The following GABRR3 variants were observed in gnomAD, a reference collection of about 807,000 sequenced individuals.
GABRR3 encodes the protein gamma-aminobutyric acid receptor subunit rho-3.
GABRR3 carries 29 observed loss-of-function variants against 43.2 expected under a neutral mutation model. The ratio of observed to expected loss-of-function variants is 0.67; its 90% CI spans 0.50 to 0.92. GABRR3 has a LOEUF of 0.92. Ranked by LOEUF, GABRR3 falls within the 40% of genes least tolerant of loss-of-function variation. GABRR3 has a pLI of 0.00. For missense variants in GABRR3, 576 were observed against 572.3 expected (o/e 1.01, Z -0.07); for synonymous variants, 206 against 195.9 (o/e 1.05, Z -0.43).
chr3:98,012,274 A>T, intron 5 of GABRR3, 70 bp downstream of exon 5: 1 of 1,080,246 alleles, frequency 9.3e-7, no homozygotes, highest in Non-Finnish European at 1.4e-6. Flanking sequence ...CATCTGAAAT[A>T]AGCATCATCA....
At chr3:98,035,065 C>A in intron 1 of GABRR3, 76 bp from the exon 2 acceptor site, 1 of 1,510,628 alleles carries the variant, frequency 6.6e-7, no homozygotes, top group Non-Finnish European at 8.9e-7. Flanking sequence ...CTTCATGTGT[C>A]TTTTAAAAAA....
chr3:98,011,929 T>A (rs146689020), intron 5 of GABRR3, among the ~76,000 whole-genome samples: 38 of 152,330 alleles, frequency 2.5e-4, no homozygotes, highest in African/African-American at 9.1e-4. Flanking sequence ...TTAGCTTGAA[T>A]GATAGCCATG....
At chr3:98,001,704 T>C in exon 8 of GABRR3, 1 of 1,613,366 alleles carries the variant, frequency 6.2e-7, no homozygotes, top group Non-Finnish European at 8.5e-7. Flanking sequence ...GAAATAGGTT[T>C]GCAGCACAAA....
At chr3:98,020,497 C>T (rs1021769204) in intron 3 of GABRR3, among the ~76,000 whole-genome samples, 1 of 144,536 alleles carries the variant, frequency 6.9e-6, no homozygotes, top group African/African-American at 2.5e-5. Flanking sequence ...AGATACAGTG[C>T]TTCTCATCAT....
intron 7 of GABRR3, among the ~76,000 whole-genome samples, chr3:98,005,766 T>C (rs1706716648): frequency 6.6e-6 from 1 of 152,164 alleles, no homozygotes; most frequent in South Asian, 2.1e-4. Flanking sequence ...TGTTAATGGA[T>C]AGTTGTGCTT....
chr3:98,012,756 G>C (rs536711021), intron 4 of GABRR3, among the ~76,000 whole-genome samples, 189 bp from the exon 5 acceptor site: 2 of 152,262 alleles, frequency 1.3e-5, no homozygotes, highest in South Asian at 4.1e-4. Context: ...CCTTCACATG[G>C]AGCCTAGTGA....
In GABRR3 at chr3:97,992,840, G is replaced by T; in HGVS notation, c.1104+12C>A. 1 of 1,591,708 alleles carries T rather than the reference G, an allele frequency of 6.3e-7. No homozygotes were observed. Among genetic ancestry groups the T allele is most frequent in the Non-Finnish European group, 8.6e-7 (1 of 1,168,668 alleles). ...TTCCCCAAGGGATCTGATAGTCAGA[G>T]CAAGGCTGTACCTTTCCTGTCTTCT... On this transcript the variant is annotated intron_variant, in intron 9 of 9. Transcript: ENST00000621172.
chr3:98,003,539 C>T (rs1014158454), intron 7 of GABRR3, among the ~76,000 whole-genome samples: 2 of 151,286 alleles, frequency 1.3e-5, no homozygotes, highest in African/African-American at 2.4e-5. Context: ...CATGGGGAGT[C>T]CATTTCCCTA....
At chr3:98,004,026 G>GAGAA (rs1706690568) in intron 7 of GABRR3, among the ~76,000 whole-genome samples, 1 of 152,140 alleles carries the variant, frequency 6.6e-6, no homozygotes, top group Admixed American at 6.6e-5. Context: ...AAGAAGAGGA[G>GAGAA]TTAATAACAG....
At chr3:97,987,288 C>A (rs1706400291) in intron 9 of GABRR3, among the ~76,000 whole-genome samples, 1 of 152,168 alleles carries the variant, frequency 6.6e-6, no homozygotes, top group Admixed American at 6.5e-5. Context: ...CCCATTTTTG[C>A]TTCAGAGCAC....
chr3:97,992,575 C>T (rs1051822586), intron 9 of GABRR3, among the ~76,000 whole-genome samples: 3 of 152,000 alleles, frequency 2.0e-5, no homozygotes, highest in Admixed American at 2.0e-4. Flanking sequence ...TATGTCAACC[C>T]CTTTTATTCA....
intron 3 of GABRR3, among the ~76,000 whole-genome samples, chr3:98,022,422 G>T (rs1479377210): frequency 6.6e-6 from 1 of 152,228 alleles, no homozygotes; most frequent in African/African-American, 2.4e-5. Context: ...GGCAAGAGAA[G>T]TGCTGAAGTT....
chr3:98,022,094 T>A (rs1039369112), intron 3 of GABRR3, among the ~76,000 whole-genome samples: 3 of 152,234 alleles, frequency 2.0e-5, no homozygotes, highest in Non-Finnish European at 4.4e-5. Flanking sequence ...GCAGCTTTTA[T>A]AACTTTAGCT....
At chr3:98,028,740 TAAAACTATTC>T (rs1219460754) in intron 2 of GABRR3, among the ~76,000 whole-genome samples, 1 of 152,154 alleles carries the variant, frequency 6.6e-6, no homozygotes, top group Admixed American at 6.5e-5. Flanking sequence ...AAAACTGTTT[TAAAACTATTC>T]ATGTCTACAT....
At chr3:98,020,488 GATACAGTGCTTCTC>G (rs1706928087) in intron 3 of GABRR3, among the ~76,000 whole-genome samples, 1 of 121,604 alleles carries the variant, frequency 8.2e-6, no homozygotes, top group South Asian at 2.6e-4. Context: ...AAAAGAAAAA[GATACAGTGCTTCTC>G]ATCATTTATT....
At chr3:98,023,165 G>A (rs887133052) in intron 3 of GABRR3, among the ~76,000 whole-genome samples, 2 of 152,148 alleles carry the variant, frequency 1.3e-5, no homozygotes, top group Admixed American at 1.3e-4. Flanking sequence ...ACCACTTTGA[G>A]TGTCAAAGCC....
chr3:98,003,486 G>A (rs1706679988), intron 7 of GABRR3, among the ~76,000 whole-genome samples: 1 of 147,986 alleles, frequency 6.8e-6, no homozygotes, highest in Non-Finnish European at 1.5e-5. Context: ...GCTCTGTCTT[G>A]TGGTTTTAGA....
intron 7 of GABRR3, among the ~76,000 whole-genome samples, chr3:98,002,580 T>A (rs1043025563): frequency 3.3e-5 from 5 of 152,154 alleles, no homozygotes; most frequent in African/African-American, 1.2e-4. Flanking sequence ...TCCTTGTTTT[T>A]CTTTTTTTTC....
At chr3:98,012,308 A>T in intron 5 of GABRR3, 36 bp downstream of exon 5, 1 of 1,515,594 alleles carries the variant, frequency 6.6e-7, no homozygotes, top group Middle Eastern at 1.7e-4. Flanking sequence ...TGGCTGCAGT[A>T]CAGGGAAGCC....
Sources: gnomAD v4.1 joint callset for allele counts (sites outside exome capture counted in the v4.1 genomes callset) on GRCh38, gnomAD v4.1.1 for gene constraint, MANE v1.5 for transcripts, NCBI Gene and HGNC (gene_info 2026-07-23, HGNC 2026-07-21) for gene names.